The following FARP2 variants were observed in gnomAD, a reference collection of about 807,000 sequenced individuals.
FARP2 encodes FERM, ARHGEF and pleckstrin domain-containing protein 2.
FARP2 carries 111 observed loss-of-function variants against 130.5 expected under a neutral mutation model. The observed-to-expected ratio is 0.85, with a 90% CI of 0.73 to 1.00. The LOEUF (loss-of-function observed/expected upper bound fraction) is 1.00. Ranked by LOEUF, FARP2 falls within the 50% of genes least tolerant of loss-of-function variation. The pLI is 0.00. For missense variants in FARP2, 1,385 were observed against 1,346.3 expected (o/e 1.03, Z -0.45); for synonymous variants, 504 against 516.9 (o/e 0.98, Z 0.34).
At chr2:241,470,951 C>T (rs1400074914) in intron 18 of FARP2, among the ~76,000 whole-genome samples, 1 of 150,684 alleles carries the variant, frequency 6.6e-6, no homozygotes, top group Non-Finnish European at 1.5e-5. Flanking sequence ...GCTCACTACC[C>T]TGAGGGAACT....
rs749399579 is a variant in FARP2 at position 241,434,191 on chromosome 2, G to A, written c.901G>A (p.Gly301Ser). 1 of 1,613,206 alleles carries A rather than the reference G, an allele frequency of 6.2e-7. No individual in the cohort carries two copies. The highest frequency in any genetic ancestry group is 1.7e-5 in the Admixed American group (1 of 59,872). ...CCAGGACACATTAGAATTTTTGTTG[G>A]GTAGTAGAGATGAATGTAAGAACTT... is the stretch of plus-strand genomic sequence containing the variant. ...PYQDTLEFLLGSRDECKNFWK... is the reference protein window; with the variant it reads ...PYQDTLEFLLSSRDECKNFWK... Residue 301 changes from glycine (G) to serine (S), a missense_variant, in exon 10 of 27, where the codon GGT (glycine) becomes AGT (serine). By Grantham distance (56) the Gly-to-Ser change is moderately conservative. Coordinates refer to ENST00000264042, the MANE Select transcript of FARP2 (RefSeq NM_014808.4).
chr2:241,453,368 A>T (rs1036466563), intron 13 of FARP2, among the ~76,000 whole-genome samples: 1 of 151,566 alleles, frequency 6.6e-6, no homozygotes, highest in Non-Finnish European at 1.5e-5. Context: ...CATGCCTGTA[A>T]TCCCAGCACT....
intron 2 of FARP2, among the ~76,000 whole-genome samples, chr2:241,378,431 A>G (rs1357978182): frequency 2.6e-4 from 3 of 11,410 alleles, no homozygotes; most frequent in Non-Finnish European, 4.5e-4. Flanking sequence ...TTTTTTTTTG[A>G]GTCAGGATCT....
At chr2:241,453,888 A>G (rs1368351215) in intron 13 of FARP2, among the ~76,000 whole-genome samples, 1 of 143,182 alleles carries the variant, frequency 7.0e-6, no homozygotes, top group Non-Finnish European at 1.5e-5. Context: ...GGTTCAAGCA[A>G]TTCTCCTGCC....
At chr2:241,411,710 A>T (rs982445710) in intron 6 of FARP2, among the ~76,000 whole-genome samples, 2 of 152,222 alleles carry the variant, frequency 1.3e-5, no homozygotes, top group African/African-American at 4.8e-5. Flanking sequence ...TTGCTCCTGG[A>T]CTAGAGGTGG....
chr2:241,372,357 G>T (rs973977231), intron 1 of FARP2, among the ~76,000 whole-genome samples: 2 of 152,170 alleles, frequency 1.3e-5, no homozygotes, highest in African/African-American at 4.8e-5. Flanking sequence ...CCCTTATCCA[G>T]GCTGTCATTC....
Position 241,413,403 on chromosome 2 carries a change from A to G in FARP2, c.605A>G (p.Glu202Gly), listed in dbSNP as rs1444045866. Residue 202 changes from glutamate (E) to glycine (G), a missense_variant, in exon 7 of 27, where the codon GAA (glutamate) becomes GGA (glycine). By Grantham distance (98) the Glu-to-Gly change is moderately conservative. Transcript: ENST00000264042. ...GQQHCLEKIL[E>G]FHQKHVGQTP... The stretch of plus-strand genomic sequence containing the variant: ...CAGCACTGCCTTGAGAAGATACTAG[A>G]ATTCCATCAGAAGCACGTGTAAGTC... The G allele has an allele frequency of 1.2e-6, 2 of 1,609,730 alleles. No individual in the cohort carries two copies. The highest frequency in any genetic ancestry group is 1.3e-5 in the African/African-American group (1 of 74,886).
chr2:241,410,863 T>G, intron 5 of FARP2, 170 bp from the exon 6 acceptor site: 1 of 580,054 alleles, frequency 1.7e-6, no homozygotes, highest in South Asian at 2.0e-5. Context: ...GTTTGTTTCA[T>G]GAAAGGCCTT....
At chr2:241,393,707 A>G (rs1362540652) in intron 2 of FARP2, among the ~76,000 whole-genome samples, 1 of 152,218 alleles carries the variant, frequency 6.6e-6, no homozygotes, top group South Asian at 2.1e-4. Context: ...GAATTTTCCC[A>G]CAGAGCTTAA....
intron 13 of FARP2, among the ~76,000 whole-genome samples, chr2:241,449,245 G>A (rs1031623839): frequency 6.6e-6 from 1 of 151,780 alleles, no homozygotes; most frequent in Non-Finnish European, 1.5e-5. Context: ...AGGATAGCTT[G>A]AGCCCAGGAC....
chr2:241,438,692 C>T (rs1392965317), intron 12 of FARP2, among the ~76,000 whole-genome samples: 3 of 149,162 alleles, frequency 2.0e-5, no homozygotes, highest in African/African-American at 5.0e-5. Flanking sequence ...TGCAGTGGCG[C>T]GATCTTGGCT....
intron 22 of FARP2, 96 bp downstream of exon 22, chr2:241,490,140 C>A: frequency 1.2e-6 from 1 of 853,968 alleles, no homozygotes; most frequent in South Asian, 1.4e-5. Context: ...CTGTGAGGAG[C>A]CATGTAGCCT....
chr2:241,489,099 A>G (rs1240648623), intron 21 of FARP2: 2 of 152,196 alleles, frequency 1.3e-5, no homozygotes, highest in Admixed American at 1.3e-4. Context: ...CATCTGGACA[A>G]TGTTTTGCCT....
intron 2 of FARP2, among the ~76,000 whole-genome samples, chr2:241,383,966 A>T (rs560600924): frequency 6.6e-6 from 1 of 151,986 alleles, no homozygotes; most frequent in Non-Finnish European, 1.5e-5. Flanking sequence ...AGTGCACCAG[A>T]TGCAAGGCGG....
rs527760954 is a variant in FARP2 at position 241,439,329 on chromosome 2, A to C, written c.1159-1975A>C. On this transcript the variant is annotated intron_variant, in intron 12 of 26. Transcript: ENST00000264042. ...CAGCATACCCAACCACAAAGTTAGA[A>C]TTTTTTTTTCTTTTTTTTGAGACAG... 2.0e-5 allele frequency among the ~76,000 whole-genome samples: 3 copies of C among 150,406 alleles called. No individual in the cohort carries two copies. In the South Asian group the frequency reaches 6.4e-4, roughly 32 times the overall value.
At chr2:241,442,762 GTCC>G in intron 13 of FARP2, 1 of 309,450 alleles carries the variant, frequency 3.2e-6, no homozygotes. Flanking sequence ...ACTCCAGCCA[GTCC>G]TCCTAGAGGA....
At chr2:241,454,144 A>G (rs1424226588) in intron 13 of FARP2, among the ~76,000 whole-genome samples, 1 of 151,746 alleles carries the variant, frequency 6.6e-6, no homozygotes, top group Non-Finnish European at 1.5e-5. Context: ...CCTGTTTGCA[A>G]CCCCAGCAGC....
In FARP2 at chr2:241,441,454, G is replaced by T; in HGVS notation, c.1309G>T (p.Val437Phe). The T allele has an allele frequency of 6.2e-7, 1 of 1,614,208 alleles. No individual in the cohort carries two copies. Among genetic ancestry groups the T allele is most frequent in the Non-Finnish European group, 8.5e-7 (1 of 1,180,036 alleles). ...SSLTDPQVSYVKSPAAERRSG... is the reference protein window; with the variant it reads ...SSLTDPQVSYFKSPAAERRSG... ...CCTCACAGATCCCCAGGTTTCCTAC[G>T]TCAAGAGTCCAGCTGCAGAGAGGCG... The change falls in exon 13 of 27, where the codon GTC becomes TTC. Residue 437 changes from valine to phenylalanine, a missense_variant. Coordinates refer to ENST00000264042, the MANE Select transcript of FARP2 (RefSeq NM_014808.4).
At chr2:241,417,262 C>T (rs926897318) in intron 7 of FARP2, among the ~76,000 whole-genome samples, 1 of 151,476 alleles carries the variant, frequency 6.6e-6, no homozygotes, top group Non-Finnish European at 1.5e-5. Context: ...TGCACCATTT[C>T]ACTCCAGCCT....
Sources: allele counts gnomAD v4.1 joint callset (sites outside exome capture counted in the v4.1 genomes callset), GRCh38; gene constraint gnomAD v4.1.1; transcripts MANE v1.5; gene names NCBI Gene and HGNC (gene_info 2026-07-23, HGNC 2026-07-21).